The following PBRM1 variants were observed in gnomAD, a reference collection of about 807,000 sequenced individuals.
PBRM1 encodes the protein polybromo 1.
A neutral mutation model predicts 194.5 loss-of-function variants in PBRM1; 27 were observed. That is an observed-to-expected ratio of 0.14 (90% CI 0.10 to 0.19). The LOEUF (loss-of-function observed/expected upper bound fraction) is 0.19, where lower values mean the gene tolerates loss of function less well. Among genes scored for constraint, PBRM1 ranks in the 10% least tolerant of loss-of-function variants. The pLI is 1.00. For missense variants in PBRM1, 1,466 were observed against 2,077.2 expected (o/e 0.71, Z 5.72); for synonymous variants, 655 against 693.2 (o/e 0.94, Z 0.87).
chr3:52,634,403 C>T (rs540568483), intron 11 of PBRM1, among the ~76,000 whole-genome samples, 199 bp downstream of exon 12: 3 of 144,338 alleles, frequency 2.1e-5, no homozygotes, highest in Admixed American at 7.2e-5. Context: ...CGCCACTGCA[C>T]TCCAGTCTGG....
At chr3:52,553,535 C>T (rs2153416920) in intron 27 of PBRM1, among the ~76,000 whole-genome samples, 1 of 146,790 alleles carries the variant, frequency 6.8e-6, no homozygotes, top group East Asian at 2.0e-4. Context: ...GTCGCTCAGG[C>T]TGGAGTGCAG....
intron 7 of PBRM1, among the ~76,000 whole-genome samples, chr3:52,646,000 T>C (rs1036773607): frequency 3.3e-5 from 5 of 152,212 alleles, no homozygotes; most frequent in African/African-American, 9.6e-5. Context: ...TTAAAGATTA[T>C]ATACACAAGT....
chr3:52,615,394 T>A (rs768570931), exon 15 of PBRM1: 57 of 1,612,930 alleles, frequency 3.5e-5, no homozygotes, highest in Non-Finnish European at 4.2e-5. Flanking sequence ...CATCAGGCAG[T>A]GGGCCCAGCT....
At chr3:52,577,975 C>T (rs1370893830) in intron 21 of PBRM1, among the ~76,000 whole-genome samples, 1 of 152,190 alleles carries the variant, frequency 6.6e-6, no homozygotes, top group Admixed American at 6.5e-5. Flanking sequence ...CTACCCCTGG[C>T]ACTTATCTCT....
intron 22 of PBRM1, among the ~76,000 whole-genome samples, chr3:52,568,112 AG>A (rs920270163): frequency 6.6e-6 from 1 of 151,834 alleles, no homozygotes; most frequent in African/African-American, 2.4e-5. Context: ...CCAGGTAGCT[AG>A]GACTATAGAT....
chr3:52,648,204 G>A, intron 7 of PBRM1, 140 bp downstream of exon 8: 1 of 562,272 alleles, frequency 1.8e-6, no homozygotes, highest in East Asian at 3.1e-5. Flanking sequence ...ACTGCGCCCA[G>A]CCTAAATTAA....
At chr3:52,668,711 C>A (rs1190377169) in intron 2 of PBRM1, 66 bp from the exon 4 acceptor site, 2 of 830,974 alleles carry the variant, frequency 2.4e-6, no homozygotes, top group Admixed American at 3.9e-5. Flanking sequence ...TATTTCAAAA[C>A]TATTTATGGT....
At chr3:52,643,068 G>A (rs188838595) in intron 9 of PBRM1, among the ~76,000 whole-genome samples, 180 bp downstream of exon 10, 68 of 152,310 alleles carry the variant, frequency 4.5e-4, no homozygotes, top group Non-Finnish European at 7.8e-4. Flanking sequence ...GATTACAGGC[G>A]TGAGCCACTG....
chr3:52,658,363 C>T (rs202086703), intron 4 of PBRM1, 48 bp from the exon 6 acceptor site: 3 of 976,520 alleles, frequency 3.1e-6, no homozygotes, highest in South Asian at 1.3e-5. Context: ...TAATAAAATG[C>T]TGAATATTAC....
chr3:52,587,338 T>C lies in PBRM1; in HGVS notation c.3123+15A>G, dbSNP rs1167122521. 4 of 1,575,270 alleles carry C rather than the reference T, an allele frequency of 2.5e-6. No individual in the cohort carries two copies. In the African/African-American group the frequency reaches 4.1e-5, roughly 16 times the overall value. On this transcript the variant is annotated intron_variant, in intron 19 of 29. Transcript: ENST00000296302. ...AGGGAATGAGTGAGACTTTGGGATT[T>C]AATGAGTTTCTTACCTTGACAAACA...
At chr3:52,663,348 GT>G (rs2096764730) in intron 3 of PBRM1, among the ~76,000 whole-genome samples, 1 of 152,196 alleles carries the variant, frequency 6.6e-6, no homozygotes, top group Non-Finnish European at 1.5e-5. Context: ...ATCAGTTTCT[GT>G]ACTGCCAGGG....
chr3:52,596,599 G>T lies in PBRM1; in HGVS notation c.2779+6922C>A, dbSNP rs150900014. Among the ~76,000 whole-genome samples, 8 of 152,106 alleles carry T rather than the reference G, an allele frequency of 5.3e-5. No homozygotes were observed. The East Asian group carries it at 1.5e-3, about 29-fold the overall frequency. On this transcript the variant is annotated intron_variant, in intron 17 of 29. Transcript: ENST00000296302. Reference sequence around the variant, plus strand: ...ACTGGGTCCCTCTCTTCAAGGCAGCGTGTTCCCTTCTGGCTCAGGGGCATG... The same window carrying T: ...ACTGGGTCCCTCTCTTCAAGGCAGCTTGTTCCCTTCTGGCTCAGGGGCATG...
intron 24 of PBRM1, 84 bp downstream of exon 26, chr3:52,563,199 C>A (rs774911898): frequency 1.1e-4 from 101 of 911,790 alleles, no homozygotes; most frequent in Middle Eastern, 6.7e-4. Context: ...TATGGAGGGG[C>A]TGGATGTCAC....
chr3:52,582,792 C>G lies in PBRM1; in HGVS notation c.3388-3593G>C, dbSNP rs558725506. On this transcript the variant is annotated intron_variant, in intron 20 of 29. Coordinates refer to ENST00000296302, the Ensembl canonical transcript of PBRM1. ...ACCATTGGAGCATATTCTTTGCCAT[C>G]AAACTGCTGGGTCAAAGACACCGGG... 2.6e-5 allele frequency among the ~76,000 whole-genome samples: 4 copies of G among 151,894 alleles called. No homozygotes were observed. In the South Asian group the frequency reaches 8.4e-4, roughly 32 times the overall value.
At chr3:52,565,813 G>C (rs1470052048) in intron 22 of PBRM1, among the ~76,000 whole-genome samples, 1 of 152,122 alleles carries the variant, frequency 6.6e-6, no homozygotes, top group Non-Finnish European at 1.5e-5. Flanking sequence ...CACTTTGGGA[G>C]GCCGAGGCGG....
intron 6 of PBRM1, among the ~76,000 whole-genome samples, chr3:52,651,254 G>A (rs2096485094): frequency 2.6e-5 from 4 of 152,170 alleles, no homozygotes; most frequent in Admixed American, 2.6e-4. Context: ...GGTAGAGAGG[G>A]CCAAAGAGAA....
intron 15 of PBRM1, among the ~76,000 whole-genome samples, chr3:52,614,446 T>C (rs1250364761): frequency 6.9e-6 from 1 of 145,090 alleles, no homozygotes; most frequent in African/African-American, 2.5e-5. Flanking sequence ...CAAACATGGC[T>C]CCAATGAGTA....
chr3:52,592,477 G>A (rs962199775), intron 17 of PBRM1, among the ~76,000 whole-genome samples: 5 of 152,148 alleles, frequency 3.3e-5, no homozygotes, highest in Admixed American at 6.5e-5. Context: ...ATTGATTTGC[G>A]TATGCTGAAC....
chr3:52,583,900 A>T (rs1299845878), intron 20 of PBRM1, among the ~76,000 whole-genome samples: 2 of 152,168 alleles, frequency 1.3e-5, no homozygotes, highest in Non-Finnish European at 2.9e-5. Flanking sequence ...TTGTCTTGGC[A>T]TCCCAAAATG....
Sources: gnomAD v4.1 joint callset for allele counts (sites outside exome capture counted in the v4.1 genomes callset) on GRCh38, gnomAD v4.1.1 for gene constraint, MANE v1.5 for transcripts, NCBI Gene and HGNC (gene_info 2026-07-23, HGNC 2026-07-21) for gene names.